The following GPC6 variants were observed in gnomAD, a reference collection of about 807,000 sequenced individuals.
The protein encoded by GPC6 is glypican 6.
A neutral mutation model predicts 55.2 loss-of-function variants in GPC6; 14 were observed. That is an observed-to-expected ratio of 0.25 (90% CI 0.17 to 0.40). The LOEUF is 0.40. Among genes scored for constraint, GPC6 ranks in the 10% least tolerant of loss-of-function variants. GPC6 has a pLI of 1.00. For missense variants in GPC6, 641 were observed against 708.5 expected, an observed-to-expected ratio of 0.90 and a Z score of 1.08; for synonymous variants, 278 against 259.6, an observed-to-expected ratio of 1.07 and a Z score of -0.68.
intron 1 of GPC6, among the ~76,000 whole-genome samples, chr13:93,533,807 A>C (rs1264487444): frequency 6.9e-6 from 1 of 144,966 alleles, no homozygotes; most frequent in Non-Finnish European, 1.5e-5. Flanking sequence ...CTTTAGGTCC[A>C]CTGCTGACCA....
chr13:93,895,822 T>A (rs1298499597), intron 3 of GPC6, among the ~76,000 whole-genome samples: 2 of 152,044 alleles, frequency 1.3e-5, no homozygotes, highest in Admixed American at 1.3e-4. Flanking sequence ...CCCAAACTTT[T>A]AAAATCTTAC....
intron 3 of GPC6, among the ~76,000 whole-genome samples, chr13:93,904,775 T>A (rs9561464): frequency 0.29 from 43,776 of 151,846 alleles, 6,802 homozygotes; most frequent in East Asian, 0.34. Context: ...CTACTTTTTT[T>A]AAAATTTATT....
chr13:93,979,336 T>G (rs993862579), intron 3 of GPC6, among the ~76,000 whole-genome samples: 10 of 150,266 alleles, frequency 6.7e-5, no homozygotes, highest in African/African-American at 2.5e-4. Context: ...TGTTTTTTTG[T>G]GTGTGTGTGT....
intron 1 of GPC6, among the ~76,000 whole-genome samples, chr13:93,311,267 A>T (rs1343335435): frequency 6.6e-6 from 1 of 152,214 alleles, no homozygotes; most frequent in Non-Finnish European, 1.5e-5. Flanking sequence ...CTGTGTCTTA[A>T]CATGCATTCA....
At chr13:94,400,146 G>T (rs1258728654) in intron 8 of GPC6, among the ~76,000 whole-genome samples, 1 of 152,184 alleles carries the variant, frequency 6.6e-6, no homozygotes, top group African/African-American at 2.4e-5. Flanking sequence ...GAGGATCCCT[G>T]AGTTCTAACC....
intron 2 of GPC6, among the ~76,000 whole-genome samples, chr13:93,709,081 T>G (rs1566497535): frequency 6.6e-6 from 1 of 151,860 alleles, no homozygotes; most frequent in Non-Finnish European, 1.5e-5. Context: ...GAGAATATTA[T>G]TTTGCAACCA....
chr13:93,488,441 T>G (rs1374786791), intron 1 of GPC6, among the ~76,000 whole-genome samples: 3 of 152,240 alleles, frequency 2.0e-5, no homozygotes, highest in Non-Finnish European at 4.4e-5. Flanking sequence ...CGTGTGCATG[T>G]GTCTTTATAG....
At chr13:93,440,765 T>C (rs944275237) in intron 1 of GPC6, among the ~76,000 whole-genome samples, 10 of 152,160 alleles carry the variant, frequency 6.6e-5, no homozygotes, top group Non-Finnish European at 2.9e-5. Context: ...TACATATGTA[T>C]ACATGTGCAA....
At position 93,281,669 on chromosome 13, in the gene GPC6, T is replaced by G. The variant is rs552860544; in HGVS notation, c.160+54053T>G. On this transcript the variant is annotated intron_variant, in intron 1 of 8. Coordinates refer to ENST00000377047, the MANE Select transcript of GPC6 (RefSeq NM_005708.5). The stretch of plus-strand genomic sequence containing the variant: ...TCTGTGCCAAAGATACAAAAAAAAT[T>G]AGCCAAGCATGGTGGTGGGCACCTA... Among the ~76,000 whole-genome samples, 3 of 152,122 alleles carry G rather than the reference T, an allele frequency of 2.0e-5. No homozygotes were observed. In the South Asian group the frequency reaches 6.2e-4, roughly 32 times the overall value.
intron 1 of GPC6, among the ~76,000 whole-genome samples, chr13:93,285,607 T>C (rs868334143): frequency 6.7e-6 from 1 of 150,080 alleles, no homozygotes; most frequent in Admixed American, 6.8e-5. Flanking sequence ...TATGTGTATG[T>C]ATATACTGCT....
At chr13:93,594,970 G>A (rs1877661276) in intron 2 of GPC6, among the ~76,000 whole-genome samples, 1 of 152,002 alleles carries the variant, frequency 6.6e-6, no homozygotes, top group Non-Finnish European at 1.5e-5. Context: ...ACGAATTTGG[G>A]GATAGGGAAT....
chr13:93,296,589 G>C (rs1489170771), intron 1 of GPC6, among the ~76,000 whole-genome samples: 1 of 152,024 alleles, frequency 6.6e-6, no homozygotes, highest in African/African-American at 2.4e-5. Flanking sequence ...TCAAGGGACT[G>C]CCTTTCCCAC....
intron 4 of GPC6, among the ~76,000 whole-genome samples, chr13:94,063,532 T>C (rs532175732): frequency 3.9e-5 from 6 of 152,340 alleles, no homozygotes; most frequent in African/African-American, 1.4e-4. Context: ...CTTTGTTCTG[T>C]GCTTGGTTTT....
In GPC6 at chr13:93,931,436, C is replaced by CA. The variant is rs11334620; in HGVS notation, c.712-96274dup. ...CCACAGGGGAAATACCATACACAGGCAAAAAAAAAAAAAAAAAAATTGTAA... is the reference window on the plus strand; with the variant it reads ...CCACAGGGGAAATACCATACACAGGCAAAAAAAAAAAAAAAAAAAATTGTAA... On this transcript the variant is annotated intron_variant, in intron 3 of 8. Transcript: ENST00000377047. 4.5e-3 allele frequency among the ~76,000 whole-genome samples: 551 copies of CA among 121,630 alleles called. 5 individuals carry two copies. The East Asian group carries it at 0.051, about 11-fold the overall frequency. The allele number at this position is 121,630 out of a possible 152,430, so 79.8% of individuals were successfully genotyped here.
chr13:94,382,119 CG>C (rs1438023748), intron 6 of GPC6, among the ~76,000 whole-genome samples: 2 of 152,100 alleles, frequency 1.3e-5, no homozygotes, highest in Non-Finnish European at 2.9e-5. Context: ...GAGAGGGACC[CG>C]AAGCCAGGCG....
At chr13:93,551,086 G>T (rs1185097100) in intron 2 of GPC6, among the ~76,000 whole-genome samples, 1 of 152,106 alleles carries the variant, frequency 6.6e-6, no homozygotes. Context: ...AGTATTCAAA[G>T]AATGTCTTAA....
intron 4 of GPC6, among the ~76,000 whole-genome samples, chr13:94,052,994 A>G (rs1017067640): frequency 2.0e-5 from 3 of 152,126 alleles, no homozygotes; most frequent in Non-Finnish European, 2.9e-5. Context: ...GGCAGCTGTC[A>G]CATCACCTCC....
intron 3 of GPC6, among the ~76,000 whole-genome samples, chr13:93,894,066 A>T (rs886655568): frequency 1.3e-5 from 2 of 152,166 alleles, no homozygotes; most frequent in African/African-American, 4.8e-5. Context: ...CCCTGTGGTC[A>T]CTATGATGAT....
intron 2 of GPC6, among the ~76,000 whole-genome samples, chr13:93,557,640 T>C (rs1389287711): frequency 1.3e-5 from 2 of 152,246 alleles, no homozygotes; most frequent in East Asian, 3.9e-4. Context: ...TAAGAATATC[T>C]TCAGCCCTTG....
Sources: gnomAD v4.1 joint callset for allele counts (sites outside exome capture counted in the v4.1 genomes callset) on GRCh38, gnomAD v4.1.1 for gene constraint, MANE v1.5 for transcripts, NCBI Gene and HGNC (gene_info 2026-07-23, HGNC 2026-07-21) for gene names.